The following EPHB1 variants were observed in gnomAD, a reference collection of about 807,000 sequenced individuals.
The protein encoded by EPHB1 is ephrin type-B receptor 1.
Under a neutral mutation model 94.4 loss-of-function variants are expected in EPHB1, and 30 were observed. That is an observed-to-expected ratio of 0.32 (90% confidence interval 0.24 to 0.43). The LOEUF is 0.43. EPHB1 is among the 20% of genes least tolerant of loss of function. EPHB1 has a pLI of 1.00. For synonymous variants in EPHB1, 522 were observed against 489.1 expected (o/e 1.07, Z -0.89); for missense variants, 1,055 against 1,308.3 (o/e 0.81, Z 2.99).
intron 3 of EPHB1, among the ~76,000 whole-genome samples, chr3:135,042,198 T>C (rs4955540): frequency 0.23 from 34,353 of 152,126 alleles, 5,625 homozygotes; most frequent in African/African-American, 0.46. Flanking sequence ...TCTCAAAGTG[T>C]TGGTGCTATG....
intron 4 of EPHB1, among the ~76,000 whole-genome samples, chr3:135,129,478 C>T (rs1337970846): frequency 2.0e-5 from 3 of 152,222 alleles, no homozygotes; most frequent in African/African-American, 4.8e-5. Flanking sequence ...TACAGCAAGG[C>T]ATCCTGTCTC....
At chr3:135,059,799 C>A (rs562412693) in intron 3 of EPHB1, among the ~76,000 whole-genome samples, 1 of 152,182 alleles carries the variant, frequency 6.6e-6, no homozygotes, top group Admixed American at 6.5e-5. Context: ...GATATGGGTT[C>A]TGACTCCAGT....
At chr3:135,127,915 A>T (rs1940269307) in intron 4 of EPHB1, among the ~76,000 whole-genome samples, 1 of 152,002 alleles carries the variant, frequency 6.6e-6, no homozygotes, top group South Asian at 2.1e-4. Flanking sequence ...CATCTTCAAA[A>T]CTCATGACCA....
At chr3:135,158,717 C>T (rs547222248) in intron 6 of EPHB1, among the ~76,000 whole-genome samples, 3 of 152,292 alleles carry the variant, frequency 2.0e-5, no homozygotes, top group South Asian at 4.1e-4. Flanking sequence ...TTTTAATACA[C>T]TTCCATTCAT....
chr3:135,120,763 A>G (rs2107805818), intron 4 of EPHB1, among the ~76,000 whole-genome samples: 1 of 152,354 alleles, frequency 6.6e-6, no homozygotes, highest in South Asian at 2.1e-4. Context: ...GAAGTTATCC[A>G]TGAATATTTA....
chr3:134,994,573 C>T (rs1934927536), intron 3 of EPHB1, among the ~76,000 whole-genome samples: 1 of 152,188 alleles, frequency 6.6e-6, no homozygotes, highest in Non-Finnish European at 1.5e-5. Context: ...CTCAGTATTC[C>T]TTGCATAGCT....
At chr3:134,801,112 A>G (rs2035926168) in intron 1 of EPHB1, among the ~76,000 whole-genome samples, 1 of 152,206 alleles carries the variant, frequency 6.6e-6, no homozygotes, top group Admixed American at 6.5e-5. Context: ...CTGGGAGCTT[A>G]GGTTTACATG....
At chr3:134,892,052 CT>C (rs1323494173) in intron 1 of EPHB1, among the ~76,000 whole-genome samples, 1 of 152,212 alleles carries the variant, frequency 6.6e-6, no homozygotes, top group African/African-American at 2.4e-5. Flanking sequence ...CCTCTCCAAA[CT>C]TTTGCTACTC....
At chr3:135,048,453 A>G (rs568825570) in intron 3 of EPHB1, among the ~76,000 whole-genome samples, 3 of 151,840 alleles carry the variant, frequency 2.0e-5, no homozygotes, top group Admixed American at 1.3e-4. Flanking sequence ...TAATTTTACT[A>G]GACATGGGGT....
At chr3:134,871,567 T>C (rs990994867) in intron 1 of EPHB1, among the ~76,000 whole-genome samples, 3 of 152,182 alleles carry the variant, frequency 2.0e-5, no homozygotes, top group Non-Finnish European at 2.9e-5. Context: ...TTATTTATTA[T>C]TTACTATCAT....
chr3:134,934,832 G>C (rs2038971116), intron 2 of EPHB1, among the ~76,000 whole-genome samples: 1 of 152,144 alleles, frequency 6.6e-6, no homozygotes, highest in Non-Finnish European at 1.5e-5. Flanking sequence ...CTTGGAAATG[G>C]CTCATAGACT....
At chr3:134,964,845 G>C (rs967473339) in intron 3 of EPHB1, among the ~76,000 whole-genome samples, 5 of 152,152 alleles carry the variant, frequency 3.3e-5, no homozygotes, top group African/African-American at 1.2e-4. Flanking sequence ...ACATTTCATT[G>C]ATAGAATTTT....
At chr3:134,877,332 G>T (rs911912167) in intron 1 of EPHB1, among the ~76,000 whole-genome samples, 2 of 152,200 alleles carry the variant, frequency 1.3e-5, no homozygotes, top group African/African-American at 4.8e-5. Flanking sequence ...TATTGTAGGC[G>T]CTGGGCCCTT....
intron 3 of EPHB1, among the ~76,000 whole-genome samples, chr3:134,971,508 A>C (rs1306605998): frequency 6.6e-6 from 1 of 152,228 alleles, no homozygotes; most frequent in East Asian, 1.9e-4. Context: ...TTGCACAGCA[A>C]GCACACTGTT....
intron 3 of EPHB1, among the ~76,000 whole-genome samples, chr3:134,954,291 G>A (rs979426484): frequency 1.3e-5 from 2 of 152,174 alleles, no homozygotes; most frequent in African/African-American, 4.8e-5. Context: ...AGCAAAAGTG[G>A]TGATCTTGGG....
At chr3:134,907,406 G>A (rs1440921470) in intron 1 of EPHB1, among the ~76,000 whole-genome samples, 2 of 152,214 alleles carry the variant, frequency 1.3e-5, no homozygotes, top group Admixed American at 1.3e-4. Context: ...GGCCCAAAGT[G>A]CTTGGTGAAA....
chr3:135,205,828 AT>A (rs1170917849), intron 12 of EPHB1, among the ~76,000 whole-genome samples: 6 of 152,158 alleles, frequency 3.9e-5, no homozygotes, highest in Non-Finnish European at 7.4e-5. Flanking sequence ...ACCCCTAGCC[AT>A]TTTAGCATAC....
chr3:135,084,652 G>A (rs1487065529), intron 3 of EPHB1, among the ~76,000 whole-genome samples: 2 of 152,170 alleles, frequency 1.3e-5, no homozygotes, highest in Non-Finnish European at 2.9e-5. Context: ...CTGCAGAGCT[G>A]GCTGAGGTTC....
chr3:134,958,414 GTGTGTGTGT>G lies in EPHB1; in HGVS notation c.805+6363_805+6371del, dbSNP rs1559771737. ...AAGAGAAGGTGAGGAACACAAGGGA[GTGTGTGTGT>G]GTGTGTGTGTGTGTGTGTGTGTGTG... On this transcript the variant is annotated intron_variant, in intron 3 of 15. Coordinates refer to ENST00000398015, the MANE Select transcript of EPHB1 (RefSeq NM_004441.5). Among the ~76,000 whole-genome samples the G allele has an allele frequency of 2.8e-4, 28 of 101,570 alleles. 1 individual carries two copies. Among genetic ancestry groups the G allele is most frequent in the Admixed American group, 8.7e-4 (10 of 11,540 alleles). The allele number at this position is 101,570 out of a possible 152,430, so 66.6% of individuals were successfully genotyped here. A position where few individuals can be genotyped will look rare whatever the true frequency, so the allele number is the denominator to read the frequency against.
Sources: allele counts gnomAD v4.1 joint callset (sites outside exome capture counted in the v4.1 genomes callset), GRCh38; gene constraint gnomAD v4.1.1; transcripts MANE v1.5; gene names NCBI Gene and HGNC (gene_info 2026-07-23, HGNC 2026-07-21).